The following CSMD1 variants were observed in gnomAD, a reference collection of about 807,000 sequenced individuals.
CSMD1 encodes the protein CUB and Sushi multiple domains 1, also known as CUB and sushi domain-containing protein 1.
In CSMD1, 213 loss-of-function variants were observed where a neutral mutation model predicts 417.5. That is an observed-to-expected ratio of 0.51 (90% confidence interval 0.46 to 0.57). The LOEUF is 0.57. CSMD1 is among the 20% of genes least tolerant of loss of function. CSMD1 has a pLI of 0.00. For missense variants in CSMD1, 6,923 were observed against 4,529.7 expected, an observed-to-expected ratio of 1.53 and a Z score of -15.17; for synonymous variants, 2,862 against 1,736.8, an observed-to-expected ratio of 1.65 and a Z score of -16.11.
intron 1 of CSMD1, among the ~76,000 whole-genome samples, chr8:4,791,704 G>C (rs183379449): frequency 1.2e-4 from 18 of 152,284 alleles, no homozygotes; most frequent in Admixed American, 1.1e-3. Flanking sequence ...TGGTACCATT[G>C]TGCAAGCCAA....
In CSMD1 at chr8:2,978,627, G is replaced by C. The variant is rs1805137361; in HGVS notation, c.8551C>G (p.Leu2851Val). 2.5e-6 allele frequency: 4 copies of C among 1,593,646 alleles called. No homozygotes were observed. The highest frequency in any genetic ancestry group is 1.3e-5 in the African/African-American group (1 of 74,708). The change falls in exon 55 of 70, where the codon CTG (leucine) becomes GTG (valine). Residue 2851 changes from leucine to valine, a missense_variant. Physicochemically the swap from Leu to Val is conservative, Grantham distance 32. Transcript: ENST00000635120. ...CMANGLWDRSLPKCLAISCGH... is the reference protein window; with the variant it reads ...CMANGLWDRSVPKCLAISCGH... ...CCTGACTTACCCAAACACTTGGGCA[G>C]GGATCGGTCCCATAAGCCATTTGCC...
intron 1 of CSMD1, among the ~76,000 whole-genome samples, chr8:4,739,440 G>A (rs138546857): frequency 6.6e-6 from 1 of 152,302 alleles, no homozygotes; most frequent in East Asian, 1.9e-4. Flanking sequence ...AATATAAAGA[G>A]AAAAGGTCAT....
intron 5 of CSMD1, among the ~76,000 whole-genome samples, chr8:3,805,497 T>C (rs767896281): frequency 6.6e-6 from 1 of 152,192 alleles, no homozygotes; most frequent in Non-Finnish European, 1.5e-5. Context: ...CCTGACCATG[T>C]TCAGGGATGA....
In CSMD1 at chr8:3,223,846, G is replaced by A. The variant is rs758585923; in HGVS notation, c.4367C>T (p.Thr1456Met). 7 of 1,613,604 alleles carry A rather than the reference G, an allele frequency of 4.3e-6. No individual in the cohort carries two copies. Among genetic ancestry groups the A allele is most frequent in the African/African-American group, 1.3e-5 (1 of 74,880 alleles). Residue 1456 changes from threonine (T) to methionine (M), a missense_variant, in exon 28 of 70, where the codon ACG (threonine) becomes ATG (methionine). Transcript: ENST00000635120. ...TCIAACGGNL[T>M]GPAGVILSPN... is the part of the protein sequence containing the mutation. Reference sequence around the variant, plus strand: ...TGACAAAATAACACCTGCTGGGCCCGTCAGATTCCCTCCACAAGCAGCTGT... The same window carrying A: ...TGACAAAATAACACCTGCTGGGCCCATCAGATTCCCTCCACAAGCAGCTGT...
chr8:4,035,716 T>C (rs1161909870), intron 3 of CSMD1, among the ~76,000 whole-genome samples: 1 of 152,222 alleles, frequency 6.6e-6, no homozygotes, highest in African/African-American at 2.4e-5. Context: ...TTAAATATTA[T>C]TACGGAAGAG....
intron 1 of CSMD1, among the ~76,000 whole-genome samples, chr8:4,854,555 C>T (rs554470526): frequency 6.6e-5 from 10 of 152,256 alleles, no homozygotes; most frequent in South Asian, 6.2e-4. Flanking sequence ...AGTGGGTGCG[C>T]GCACCGTGCG....
chr8:4,385,805 C>G (rs4442167), intron 3 of CSMD1, among the ~76,000 whole-genome samples: 1 of 152,002 alleles, frequency 6.6e-6, no homozygotes, highest in Non-Finnish European at 1.5e-5. Flanking sequence ...GTTAATGTCT[C>G]ATAGCTTAAA....
chr8:3,376,132 G>T (rs1426611369), intron 18 of CSMD1, among the ~76,000 whole-genome samples: 1 of 151,950 alleles, frequency 6.6e-6, no homozygotes. Flanking sequence ...AATACAGCAG[G>T]TTCTCAATAA....
chr8:4,200,579 G>A (rs879752266), intron 3 of CSMD1, among the ~76,000 whole-genome samples: 7 of 125,578 alleles, frequency 5.6e-5, no homozygotes, highest in African/African-American at 1.1e-4. Flanking sequence ...AAATCTTGGC[G>A]GGCCTGGAGG....
intron 12 of CSMD1, among the ~76,000 whole-genome samples, chr8:3,463,384 G>C (rs74824292): frequency 0.034 from 5,151 of 152,310 alleles, 156 homozygotes; most frequent in East Asian, 0.15. Context: ...AAGGCTGTAT[G>C]TGCTGTGAAA....
intron 2 of CSMD1, among the ~76,000 whole-genome samples, chr8:4,531,300 T>A (rs1796806071): frequency 6.6e-6 from 1 of 152,178 alleles, no homozygotes; most frequent in Non-Finnish European, 1.5e-5. Context: ...CTAAACCCGA[T>A]GTGCCGTGGA....
chr8:4,342,967 G>T (rs140071022), intron 3 of CSMD1, among the ~76,000 whole-genome samples: 1 of 152,218 alleles, frequency 6.6e-6, no homozygotes, highest in Non-Finnish European at 1.5e-5. Flanking sequence ...ACAGGTAGAT[G>T]TCAGGTAGAG....
At chr8:4,889,000 G>C (rs933643203) in intron 1 of CSMD1, among the ~76,000 whole-genome samples, 4 of 152,100 alleles carry the variant, frequency 2.6e-5, no homozygotes, top group African/African-American at 9.7e-5. Context: ...GATGGAAATA[G>C]AAAAATCACC....
chr8:4,237,454 G>A (rs895677717), intron 3 of CSMD1, among the ~76,000 whole-genome samples: 12 of 152,068 alleles, frequency 7.9e-5, no homozygotes, highest in African/African-American at 2.7e-4. Flanking sequence ...TAAACGGTAA[G>A]AGCTTTGAAG....
At chr8:3,696,881 C>G (rs1356214865) in intron 7 of CSMD1, among the ~76,000 whole-genome samples, 1 of 152,120 alleles carries the variant, frequency 6.6e-6, no homozygotes, top group African/African-American at 2.4e-5. Flanking sequence ...CTCATATGAA[C>G]TCCCATGAAA....
At chr8:4,775,452 A>T (rs1796806189) in intron 1 of CSMD1, among the ~76,000 whole-genome samples, 1 of 152,234 alleles carries the variant, frequency 6.6e-6, no homozygotes. Context: ...GTGCTTATTG[A>T]CTTCAATTAG....
intron 7 of CSMD1, among the ~76,000 whole-genome samples, chr8:3,672,727 T>C (rs61538815): frequency 0.015 from 2,258 of 152,222 alleles, 65 homozygotes; most frequent in African/African-American, 0.052. Flanking sequence ...AAATTGGCCA[T>C]GGTGGATGTA....
chr8:3,603,875 T>G (rs953413767), intron 8 of CSMD1, among the ~76,000 whole-genome samples: 5 of 152,226 alleles, frequency 3.3e-5, no homozygotes, highest in African/African-American at 1.2e-4. Flanking sequence ...ATAAATGATC[T>G]AGCAAATGGC....
intron 3 of CSMD1, among the ~76,000 whole-genome samples, chr8:4,413,999 G>A (rs892488857): frequency 6.6e-6 from 1 of 152,160 alleles, no homozygotes; most frequent in African/African-American, 2.4e-5. Flanking sequence ...TGGGCTAATG[G>A]AGAGCCAGCT....
Sources: allele counts gnomAD v4.1 joint callset (sites outside exome capture counted in the v4.1 genomes callset), GRCh38; gene constraint gnomAD v4.1.1; transcripts MANE v1.5; gene names NCBI Gene and HGNC (gene_info 2026-07-23, HGNC 2026-07-21).